The following PTN variants were observed in gnomAD, a reference collection of about 807,000 sequenced individuals.
The protein encoded by PTN is pleiotrophin, also known as heparin affin regulatory protein.
A neutral mutation model predicts 24.1 loss-of-function variants in PTN; 18 were observed. The ratio of observed to expected loss-of-function variants is 0.75; its 90% CI spans 0.52 to 1.11. PTN has a LOEUF of 1.11. Ranked by LOEUF, PTN falls within the 50% of genes least tolerant of loss-of-function variation. The pLI, the probability that PTN is intolerant of heterozygous loss-of-function variation, is 0.00. For missense variants in PTN, 163 were observed against 198.8 expected (o/e 0.82, Z 1.08); for synonymous variants, 78 against 68.6 (o/e 1.14, Z -0.67).
At chr7:137,248,914 A>G (rs921193833) in intron 4 of PTN, among the ~76,000 whole-genome samples, 3 of 152,162 alleles carry the variant, frequency 2.0e-5, no homozygotes, top group Non-Finnish European at 4.4e-5. Context: ...ATATACCATA[A>G]TTTATTTACG....
intron 1 of PTN, among the ~76,000 whole-genome samples, chr7:137,274,061 C>G (rs956473669): frequency 6.6e-6 from 1 of 151,574 alleles, no homozygotes; most frequent in Non-Finnish European, 1.5e-5. Flanking sequence ...ACACAAATAG[C>G]CTCTTATTTT....
At chr7:137,333,262 C>A (rs1810390153) in intron 1 of PTN, among the ~76,000 whole-genome samples, 1 of 152,188 alleles carries the variant, frequency 6.6e-6, no homozygotes, top group Non-Finnish European at 1.5e-5. Context: ...TCACTAGATG[C>A]CCAATCTGGA....
intron 1 of PTN, among the ~76,000 whole-genome samples, chr7:137,319,205 C>T (rs1393469697): frequency 1.3e-5 from 2 of 152,212 alleles, no homozygotes; most frequent in Admixed American, 6.5e-5. Context: ...TACTTAATAT[C>T]CCTCAGCCTC....
At chr7:137,342,433 T>C (rs1373872740) in intron 1 of PTN, among the ~76,000 whole-genome samples, 3 of 152,100 alleles carry the variant, frequency 2.0e-5, no homozygotes, top group East Asian at 3.9e-4. Context: ...ACCCCTCCTA[T>C]TTTCTGAATG....
intron 1 of PTN, among the ~76,000 whole-genome samples, chr7:137,255,522 C>T (rs1292475031): frequency 6.6e-6 from 1 of 152,184 alleles, no homozygotes; most frequent in African/African-American, 2.4e-5. Context: ...ATAATCATCA[C>T]TATCATCTTA....
intron 1 of PTN, among the ~76,000 whole-genome samples, chr7:137,258,911 T>G (rs1472435438): frequency 6.6e-6 from 1 of 152,104 alleles, no homozygotes; most frequent in African/African-American, 2.4e-5. Context: ...TTTTTTTTAA[T>G]CTGGGGAAAA....
chr7:137,278,730 C>T (rs957486585), intron 1 of PTN, among the ~76,000 whole-genome samples: 1 of 151,716 alleles, frequency 6.6e-6, no homozygotes, highest in African/African-American at 2.4e-5. Flanking sequence ...CACTTGAGGT[C>T]GGAGCTTGAA....
intron 1 of PTN, among the ~76,000 whole-genome samples, chr7:137,272,085 T>C (rs1213666386): frequency 6.6e-6 from 1 of 152,196 alleles, no homozygotes; most frequent in East Asian, 1.9e-4. Flanking sequence ...ACACTGACTG[T>C]TCCTTGGGTA....
intron 4 of PTN, among the ~76,000 whole-genome samples, chr7:137,232,811 A>C (rs1366957551): frequency 6.6e-6 from 1 of 151,840 alleles, no homozygotes; most frequent in Non-Finnish European, 1.5e-5. Flanking sequence ...CCCCCATGCT[A>C]TTCTGTGATA....
At chr7:137,312,131 A>C (rs1242762835) in intron 1 of PTN, among the ~76,000 whole-genome samples, 1 of 152,204 alleles carries the variant, frequency 6.6e-6, no homozygotes, top group Admixed American at 6.5e-5. Context: ...CAATGAGAGA[A>C]CTGTGATGTC....
At chr7:137,255,860 T>A (rs1253941836) in intron 1 of PTN, among the ~76,000 whole-genome samples, 2 of 152,202 alleles carry the variant, frequency 1.3e-5, no homozygotes, top group South Asian at 2.1e-4. Context: ...CTACACCATA[T>A]CATGGCTGCA....
At chr7:137,339,871 T>G (rs1810507622) in intron 1 of PTN, among the ~76,000 whole-genome samples, 1 of 151,470 alleles carries the variant, frequency 6.6e-6, no homozygotes, top group South Asian at 2.1e-4. Context: ...AGAGACAGAA[T>G]GCTATTTGTG....
chr7:137,325,194 T>A (rs1810238523), intron 1 of PTN, among the ~76,000 whole-genome samples: 2 of 152,206 alleles, frequency 1.3e-5, no homozygotes, highest in African/African-American at 4.8e-5. Flanking sequence ...TTAGAAAAGA[T>A]CTTGTCTGAT....
chr7:137,325,926 T>C (rs983636152), intron 1 of PTN: 4 of 152,206 alleles, frequency 2.6e-5, no homozygotes, highest in African/African-American at 7.2e-5. Flanking sequence ...GACGTGATTA[T>C]AGAGTTTTCT....
chr7:137,343,557 TC>T lies in PTN; in HGVS notation c.-121del, dbSNP rs1373663351. 1 of 518,854 alleles carries T rather than the reference TC, an allele frequency of 1.9e-6. No homozygotes were observed. Among genetic ancestry groups the T allele is most frequent in the Non-Finnish European group, 3.8e-6 (1 of 259,864 alleles). 32.1% of individuals were successfully genotyped at this position (518,854 alleles called of 1,614,324 possible). On this transcript the variant is annotated 5_prime_UTR_variant, in exon 1 of 5. Coordinates refer to ENST00000348225, the MANE Select transcript of PTN (RefSeq NM_002825.7). Reference sequence around the variant, plus strand: ...GCTCCTGCTTGGGCCGCTGCTGCTCTCCCCGCCTTCTGGACGGATGACTCAC... The same window carrying T: ...GCTCCTGCTTGGGCCGCTGCTGCTCTCCCGCCTTCTGGACGGATGACTCAC...
At chr7:137,301,398 T>C (rs1262977489) in intron 1 of PTN, among the ~76,000 whole-genome samples, 3 of 150,944 alleles carry the variant, frequency 2.0e-5, no homozygotes, top group Non-Finnish European at 3.0e-5. Flanking sequence ...GCTGTGAGAG[T>C]TGTCATCATG....
chr7:137,243,634 T>A (rs4732250), intron 4 of PTN, among the ~76,000 whole-genome samples: 12,038 of 152,206 alleles, frequency 0.079, 664 homozygotes, highest in Non-Finnish European at 0.12. Flanking sequence ...ATAGCAGGAT[T>A]TTCCATGTGA....
chr7:137,309,213 G>A (rs566495124), intron 1 of PTN, among the ~76,000 whole-genome samples: 1 of 152,284 alleles, frequency 6.6e-6, no homozygotes, highest in South Asian at 2.1e-4. Context: ...CAAAATTTAT[G>A]TTTACACTAC....
intron 1 of PTN, among the ~76,000 whole-genome samples, chr7:137,332,406 T>G (rs1810374256): frequency 6.6e-6 from 1 of 152,150 alleles, no homozygotes; most frequent in Admixed American, 6.5e-5. Flanking sequence ...AATATTTCAT[T>G]ATTTTTCACA....
Sources: gnomAD v4.1 joint callset for allele counts (sites outside exome capture counted in the v4.1 genomes callset) on GRCh38, gnomAD v4.1.1 for gene constraint, MANE v1.5 for transcripts, NCBI Gene and HGNC (gene_info 2026-07-23, HGNC 2026-07-21) for gene names.